Variants in ERCC6 observed in about 807,000 individuals in gnomAD.
ERCC6 encodes DNA excision repair protein ERCC-6.
A neutral mutation model predicts 158.7 loss-of-function variants in ERCC6; 116 were observed. That is an observed-to-expected ratio of 0.73 (90% CI 0.63 to 0.85). The LOEUF is 0.85. ERCC6 is among the 40% of genes least tolerant of loss of function. The pLI is 0.00. For missense variants in ERCC6, 1,698 were observed against 1,799.4 expected, an observed-to-expected ratio of 0.94 and a Z score of 1.02; for synonymous variants, 678 against 659.3, an observed-to-expected ratio of 1.03 and a Z score of -0.43.
In ERCC6 at chr10:49,536,501, G is replaced by C. The variant is rs559793286; in HGVS notation, c.-15+2461C>G. 1.4e-4 allele frequency among the ~76,000 whole-genome samples: 21 copies of C among 152,344 alleles called. No individual in the cohort carries two copies. In the South Asian group the frequency reaches 4.3e-3, roughly 32 times the overall value. On this transcript the variant is annotated intron_variant, in intron 1 of 20. Coordinates refer to ENST00000355832, the MANE Select transcript of ERCC6 (RefSeq NM_000124.4). Reference sequence around the variant, plus strand: ...TAGATCTAAATTTGCAGGTGGAAAGGAGGGAAGCTGAAGTGGATTACAGAC... The same window carrying C: ...TAGATCTAAATTTGCAGGTGGAAAGCAGGGAAGCTGAAGTGGATTACAGAC...
chr10:49,479,806 C>A (rs1396880397), intron 10 of ERCC6, among the ~76,000 whole-genome samples: 3 of 152,170 alleles, frequency 2.0e-5, no homozygotes, highest in Non-Finnish European at 4.4e-5. Flanking sequence ...CTGCATGCCA[C>A]CCCATGGAGA....
At chr10:49,520,860 T>C (rs1837139161) in intron 5 of ERCC6, among the ~76,000 whole-genome samples, 2 of 152,166 alleles carry the variant, frequency 1.3e-5, no homozygotes, top group African/African-American at 4.8e-5. Flanking sequence ...ATAATGTGCC[T>C]CCAAAGCAAA....
chr10:49,504,382 G>C (rs1157974551), intron 6 of ERCC6: 1 of 151,970 alleles, frequency 6.6e-6, no homozygotes, highest in African/African-American at 2.4e-5. Context: ...AACTACTATA[G>C]AGTTTTGTTA....
rs1851181062 is a variant in ERCC6, at chr10:49,492,010, C to T, written c.1821+1107G>A. Among the ~76,000 whole-genome samples the T allele has an allele frequency of 2.6e-5, 4 of 152,162 alleles. 1 individual carries two copies. In the South Asian group the frequency reaches 8.3e-4, roughly 32 times the overall value. On this transcript the variant is annotated intron_variant, in intron 8 of 20. Coordinates refer to ENST00000355832, the MANE Select transcript of ERCC6 (RefSeq NM_000124.4). ...CACTTTTTATAACTCACAGCATTTACCCTAATTTATTAATTATCTTATCCA... is the reference window on the plus strand; with the variant it reads ...CACTTTTTATAACTCACAGCATTTATCCTAATTTATTAATTATCTTATCCA...
In ERCC6 at chr10:49,455,203, T is replaced by C. The variant is rs1362567745; in HGVS notation, c.*3612A>G. ...AAAACACCTAGGAATAAGCCTATTA[T>C]GAAATGTGCAAGACATTTATGAAGA... On this transcript the variant is annotated 3_prime_UTR_variant, in exon 21 of 21. Coordinates refer to ENST00000355832, the MANE Select transcript of ERCC6 (RefSeq NM_000124.4). Among the ~76,000 whole-genome samples, 2 of 152,190 alleles carry C rather than the reference T, an allele frequency of 1.3e-5. No individual in the cohort carries two copies. The highest frequency in any genetic ancestry group is 3.8e-4 in the East Asian group (2 of 5,204).
At chr10:49,478,239 C>A in intron 11 of ERCC6, 115 bp downstream of exon 11, 1 of 859,480 alleles carries the variant, frequency 1.2e-6, no homozygotes, top group Admixed American at 1.7e-5. Context: ...CTAGCCTGCC[C>A]ACAGTTCCAG....
At position 49,459,049 on chromosome 10, in the gene ERCC6, A is replaced by G; in HGVS notation, c.4248T>C (p.Ser1416=). The change falls in exon 21 of 21, where the codon TCT becomes TCC. Residue 1416 remains serine, a synonymous_variant. Coordinates refer to ENST00000355832, the MANE Select transcript of ERCC6 (RefSeq NM_000124.4). ...CGTGTTCTGTGGTGGGCAGCAGGGC[A>G]GAAGCTTCCTGCAGGTGCCCGCTTT... is the stretch of plus-strand genomic sequence containing the variant. ...ESESGHLQEA[S]ALLPTTEHDD... 6.2e-7 allele frequency: 1 copy of G among 1,614,202 alleles called. No individual in the cohort carries two copies. Among genetic ancestry groups the G allele is most frequent in the Non-Finnish European group, 8.5e-7 (1 of 1,180,034 alleles).
At chr10:49,484,382 G>A (rs560889428) in intron 8 of ERCC6, among the ~76,000 whole-genome samples, 2 of 152,106 alleles carry the variant, frequency 1.3e-5, no homozygotes, top group South Asian at 4.2e-4. Context: ...CAGAGTGTCA[G>A]GCAGAGACAC....
At chr10:49,494,874 C>T (rs1292008676) in intron 7 of ERCC6, among the ~76,000 whole-genome samples, 6 of 152,096 alleles carry the variant, frequency 3.9e-5, no homozygotes, top group Admixed American at 1.3e-4. Flanking sequence ...TATCTGGGTC[C>T]CTGAAGACAT....
chr10:49,536,075 C>T (rs1225776781), intron 1 of ERCC6, among the ~76,000 whole-genome samples: 3 of 152,100 alleles, frequency 2.0e-5, no homozygotes, highest in East Asian at 1.9e-4. Context: ...GAGATCACAC[C>T]GCAGAACTCC....
At chr10:49,528,310 C>G in intron 4 of ERCC6, 107 bp downstream of exon 4, 1 of 1,334,790 alleles carries the variant, frequency 7.5e-7, no homozygotes, top group South Asian at 1.2e-5. Context: ...GGCAAAGAAA[C>G]GTATTTTTCT....
intron 5 of ERCC6, chr10:49,515,349 T>A: frequency 6.2e-7 from 1 of 1,610,462 alleles, no homozygotes; most frequent in African/African-American, 1.3e-5. Context: ...AGTGTGATAT[T>A]CAACGGAACA....
At chr10:49,471,233 A>G in intron 16 of ERCC6, 113 bp from the exon 17 acceptor site, 1 of 1,017,058 alleles carries the variant, frequency 9.8e-7, no homozygotes, top group South Asian at 1.4e-5. Flanking sequence ...GAATGGCTAA[A>G]TAATCCCCCA....
chr10:49,513,842 TTCTC>T (rs955636908), intron 5 of ERCC6, among the ~76,000 whole-genome samples: 39 of 151,458 alleles, frequency 2.6e-4, no homozygotes, highest in Admixed American at 1.2e-3. Context: ...ACTATTGTTA[TTCTC>T]TCTCTCTCTC....
chr10:49,472,481 G>A lies in ERCC6; in HGVS notation c.2830-11C>T. 2 of 1,612,976 alleles carry A rather than the reference G, an allele frequency of 1.2e-6. No individual in the cohort carries two copies. The highest frequency in any genetic ancestry group is 8.5e-7 in the Non-Finnish European group (1 of 1,179,144). ...TGCTCGCTCCCGGGCCTGCAACAGA[G>A]AGAGAGAGACCTCTCAACGAGAATC... On this transcript the variant is annotated splice_polypyrimidine_tract_variant and intron_variant, in intron 15 of 20. Transcript: ENST00000355832.
At chr10:49,526,095 ATATTTATATATTTATATATTTT>A (rs1323441220) in intron 4 of ERCC6, among the ~76,000 whole-genome samples, 42 of 102,840 alleles carry the variant, frequency 4.1e-4, no homozygotes, top group East Asian at 1.6e-3. Flanking sequence ...TTATATTTAT[ATATTTATATATTTATATATTTT>A]TATATATATA....
chr10:49,529,740 A>G (rs981387755), intron 3 of ERCC6, among the ~76,000 whole-genome samples: 1 of 152,178 alleles, frequency 6.6e-6, no homozygotes, highest in South Asian at 2.1e-4. Context: ...ACTGCAGTGA[A>G]TCAACTGTAA....
intron 3 of ERCC6, among the ~76,000 whole-genome samples, chr10:49,529,274 A>T (rs1837414081): frequency 1.3e-5 from 2 of 152,266 alleles, no homozygotes; most frequent in African/African-American, 2.4e-5. Flanking sequence ...CCACACTGCA[A>T]TGACTTGCAA....
At chr10:49,483,651 C>T (rs1008641120) in intron 8 of ERCC6, 135 bp from the exon 9 acceptor site, 2 of 893,026 alleles carry the variant, frequency 2.2e-6, no homozygotes, top group Non-Finnish European at 3.5e-6. Context: ...ATTATCAGCA[C>T]TGGAAGTGTA....
Sources: allele counts gnomAD v4.1 joint callset (sites outside exome capture counted in the v4.1 genomes callset), GRCh38; gene constraint gnomAD v4.1.1; transcripts MANE v1.5; gene names NCBI Gene and HGNC (gene_info 2026-07-23, HGNC 2026-07-21).